ARRDC5: variants seen among roughly 807,000 people sequenced by gnomAD.
ARRDC5 encodes arrestin domain-containing protein 5.
A neutral mutation model predicts 13.3 loss-of-function variants in ARRDC5; 12 were observed. The ratio of observed to expected loss-of-function variants is 0.90; its 90% confidence interval spans 0.58 to 1.46. The LOEUF (loss-of-function observed/expected upper bound fraction) is 1.46, where lower values mean the gene tolerates loss of function less well. Ranked by LOEUF, ARRDC5 falls within the 40% of genes most tolerant of loss-of-function variation. ARRDC5 has a pLI of 0.00. For synonymous variants in ARRDC5, 181 were observed against 173.4 expected (o/e 1.04, Z -0.34); for missense variants, 406 against 418.7 (o/e 0.97, Z 0.26).
chr19:4,903,639 A>T (rs913915049), upstream of ARRDC5: 1 of 151,876 alleles, frequency 6.6e-6, no homozygotes, highest in Non-Finnish European at 1.5e-5. Context: ...AGTACCTGAG[A>T]TTACAGGCAA....
intron 2 of ARRDC5, among the ~76,000 whole-genome samples, chr19:4,893,809 G>A (rs1191644333): frequency 6.6e-6 from 1 of 150,506 alleles, no homozygotes; most frequent in African/African-American, 2.4e-5. Context: ...TTGGGAGGCC[G>A]AGGTGGGTGG....
Position 4,896,658 on chromosome 19 carries a change from C to A in ARRDC5, c.459+13G>T, listed in dbSNP as rs1288807995. ...GGAGATTGTTCCCACCTCCACCTTT[C>A]CCCCATCGGTACCTGGAATGGGGTT... is the stretch of plus-strand genomic sequence containing the variant. On this transcript the variant is annotated intron_variant, in intron 2 of 2. Coordinates refer to ENST00000650722, the MANE Select transcript of ARRDC5 (RefSeq NM_001080523.3). 6.3e-7 allele frequency: 1 copy of A among 1,591,334 alleles called. No homozygotes were observed.
intron 2 of ARRDC5, among the ~76,000 whole-genome samples, chr19:4,893,141 ATAT>A (rs965687612): frequency 1.4e-5 from 2 of 141,416 alleles, no homozygotes; most frequent in African/African-American, 5.2e-5. Flanking sequence ...AATATATATT[ATAT>A]TATTAGAATA....
chr19:4,901,134 C>T (rs1437743474), intron 1 of ARRDC5, among the ~76,000 whole-genome samples: 1 of 150,982 alleles, frequency 6.6e-6, no homozygotes, highest in Non-Finnish European at 1.5e-5. Flanking sequence ...AGCAAAACTC[C>T]GTCTCAAAAA....
At chr19:4,912,120 G>A in the ARRDC5 span, among the ~76,000 whole-genome samples, 3 of 152,152 alleles carry the variant, frequency 2.0e-5, no homozygotes. Context: ...CGTAAGAGAC[G>A]TGATGACTTG....
intron 1 of ARRDC5, among the ~76,000 whole-genome samples, chr19:4,901,181 T>C (rs887203228): frequency 6.6e-6 from 1 of 151,862 alleles, no homozygotes; most frequent in Admixed American, 6.6e-5. Flanking sequence ...TAGCCAAGCA[T>C]GGTGCCATGT....
rs1190836278 is a variant in ARRDC5 at position 4,899,398 on chromosome 19, G to A, written c.254-2522C>T. ...TAATCCCAGCACTTTGGGAGGCTGAGGTGGGGCAGATCACCTGAGGTCAAA... is the reference window on the plus strand; with the variant it reads ...TAATCCCAGCACTTTGGGAGGCTGAAGTGGGGCAGATCACCTGAGGTCAAA... On this transcript the variant is annotated intron_variant, in intron 1 of 2. Transcript: ENST00000650722. Among the ~76,000 whole-genome samples the A allele has an allele frequency of 2.0e-5, 3 of 152,186 alleles. No individual in the cohort carries two copies. The East Asian group carries it at 5.8e-4, about 29-fold the overall frequency.
chr19:4,896,359 TTTACACACACAC>T lies in ARRDC5; in HGVS notation c.459+300_459+311del, dbSNP rs1166044752. On this transcript the variant is annotated intron_variant, in intron 2 of 2. Coordinates refer to ENST00000650722, the MANE Select transcript of ARRDC5 (RefSeq NM_001080523.3). ...ATATATATATATATATTTTTTTTTT[TTTACACACACAC>T]ACACACACACACACACACACACACA... Among the ~76,000 whole-genome samples, 588 of 82,886 alleles carry T rather than the reference TTTACACACACAC, an allele frequency of 7.1e-3. 10 individuals are homozygous for T. Among genetic ancestry groups the T allele is most frequent in the African/African-American group, 0.031 (560 of 18,160 alleles). 54.4% of individuals were successfully genotyped at this position (82,886 alleles called of 152,430 possible). A position where few individuals can be genotyped will look rare whatever the true frequency, so the allele number is the denominator to read the frequency against.
At chr19:4,902,257 G>A (rs2031945967) in intron 1 of ARRDC5, among the ~76,000 whole-genome samples, 2 of 152,194 alleles carry the variant, frequency 1.3e-5, no homozygotes, top group South Asian at 4.1e-4. Context: ...TGCTGTCAGA[G>A]TGAAACTTAT....
chr19:4,898,921 C>T (rs866117311), intron 1 of ARRDC5, among the ~76,000 whole-genome samples: 19 of 151,882 alleles, frequency 1.3e-4, no homozygotes, highest in South Asian at 6.2e-4. Flanking sequence ...CCACCGTGCC[C>T]GGCCCAGGCT....
At chr19:4,897,340 A>G (rs919571757) in intron 1 of ARRDC5, among the ~76,000 whole-genome samples, 1 of 151,808 alleles carries the variant, frequency 6.6e-6, no homozygotes, top group Non-Finnish European at 1.5e-5. Flanking sequence ...ACTGAGCTCT[A>G]TGCTTTTAGG....
rs1420070128 is a variant in ARRDC5 at position 4,896,326 on chromosome 19, AAAAAT to A, written c.459+340_459+344del. Among the ~76,000 whole-genome samples the A allele has an allele frequency of 3.1e-3, 201 of 65,466 alleles. 3 individuals are homozygous for A. Among genetic ancestry groups the A allele is most frequent in the Middle Eastern group, 7.7e-3 (1 of 130 alleles). The allele number at this position is 65,466 out of a possible 152,430, so 42.9% of individuals were successfully genotyped here. ...GAGACTGCATCTCAAAAAAAAAAAA[AAAAAT>A]ATATATATATATATATATTTTTTTT... On this transcript the variant is annotated intron_variant, in intron 2 of 2. Transcript: ENST00000650722.
upstream of ARRDC5, among the ~76,000 whole-genome samples, chr19:4,907,875 G>A (rs1320182047): frequency 6.6e-6 from 1 of 151,826 alleles, no homozygotes; most frequent in African/African-American, 2.4e-5. Flanking sequence ...ACCACGCCAG[G>A]CTAATTTTGT....
chr19:4,905,741 C>T (rs1272701543), upstream of ARRDC5, among the ~76,000 whole-genome samples: 1 of 152,070 alleles, frequency 6.6e-6, no homozygotes, highest in Admixed American at 6.6e-5. Flanking sequence ...TAGTCTTGAT[C>T]TCCTGACCTC....
At chr19:4,902,526 C>G in intron 1 of ARRDC5, 47 bp downstream of exon 1, 3 of 1,585,056 alleles carry the variant, frequency 1.9e-6, no homozygotes, top group South Asian at 1.1e-5. Flanking sequence ...ATTTTCCAGA[C>G]CCAGGTTCCT....
chr19:4,910,214 A>AG, the ARRDC5 span: 1 of 143,778 alleles, frequency 7.0e-6, no homozygotes, highest in Admixed American at 6.9e-5. Context: ...CAGGGTTTGG[A>AG]GGGGCGCGAG....
the ARRDC5 span, among the ~76,000 whole-genome samples, chr19:4,912,178 C>T: frequency 6.6e-6 from 1 of 152,182 alleles, no homozygotes; most frequent in Non-Finnish European, 1.5e-5. Context: ...AGGAGGCGAT[C>T]TGGAGAACTT....
chr19:4,901,203 C>G (rs1421949079), intron 1 of ARRDC5, among the ~76,000 whole-genome samples: 4 of 152,060 alleles, frequency 2.6e-5, no homozygotes, highest in African/African-American at 9.7e-5. Context: ...CCTGTGGTCT[C>G]AGCTACTCAG....
chr19:4,899,695 C>G (rs1378067606), intron 1 of ARRDC5, among the ~76,000 whole-genome samples: 1 of 135,384 alleles, frequency 7.4e-6, no homozygotes, highest in Non-Finnish European at 1.5e-5. Flanking sequence ...TCTGGGAGGC[C>G]GAGGCGGGTG....
Sources: allele counts gnomAD v4.1 joint callset (sites outside exome capture counted in the v4.1 genomes callset), GRCh38; gene constraint gnomAD v4.1.1; transcripts MANE v1.5; gene names NCBI Gene and HGNC (gene_info 2026-07-23, HGNC 2026-07-21).